ST7: variants seen among roughly 807,000 people sequenced by gnomAD.
ST7 encodes the protein suppression of tumorigenicity 7.
In ST7, 28 loss-of-function variants were observed where a neutral mutation model predicts 78.7. The observed-to-expected ratio is 0.36, with a 90% CI of 0.26 to 0.49. The LOEUF (loss-of-function observed/expected upper bound fraction) is 0.49, where lower values mean the gene tolerates loss of function less well. ST7 is among the 20% of genes least tolerant of loss of function. ST7 has a pLI of 0.99. For missense variants in ST7, 418 were observed against 696.0 expected, an observed-to-expected ratio of 0.60 and a Z score of 4.49; for synonymous variants, 247 against 249.6, an observed-to-expected ratio of 0.99 and a Z score of 0.10.
At chr7:117,048,799 T>C (rs901163097) in intron 1 of ST7, among the ~76,000 whole-genome samples, 1 of 152,234 alleles carries the variant, frequency 6.6e-6, no homozygotes, top group African/African-American at 2.4e-5. Flanking sequence ...TTCCACACTT[T>C]CATTATGTTC....
chr7:117,201,733 G>A (rs56085618), intron 12 of ST7, among the ~76,000 whole-genome samples: 5 of 151,990 alleles, frequency 3.3e-5, no homozygotes, highest in Non-Finnish European at 7.4e-5. Flanking sequence ...CTGGGCTGAA[G>A]AGATTTGCCT....
chr7:116,971,312 C>T (rs1793405687), intron 1 of ST7, among the ~76,000 whole-genome samples: 1 of 152,122 alleles, frequency 6.6e-6, no homozygotes. Context: ...CAGCTTCAAA[C>T]CCAGAAAAGG....
At chr7:117,218,970 G>C in intron 13 of ST7, 114 bp from the exon 14 acceptor site, 1 of 755,460 alleles carries the variant, frequency 1.3e-6, no homozygotes, top group Non-Finnish European at 2.2e-6. Context: ...GGTAAGCCTT[G>C]CCTCCTTTGT....
chr7:117,090,991 A>G (rs532284150), intron 1 of ST7, among the ~76,000 whole-genome samples: 3 of 152,310 alleles, frequency 2.0e-5, no homozygotes, highest in African/African-American at 7.2e-5. Flanking sequence ...CCAGACCACA[A>G]CTGAGGAAAG....
chr7:117,103,731 G>A (rs1801742631), intron 2 of ST7, among the ~76,000 whole-genome samples: 1 of 152,116 alleles, frequency 6.6e-6, no homozygotes, highest in Admixed American at 6.5e-5. Flanking sequence ...GGCAACCAGA[G>A]CAGAAATAGA....
chr7:116,958,965 A>G (rs1792679641), intron 1 of ST7, among the ~76,000 whole-genome samples: 1 of 152,204 alleles, frequency 6.6e-6, no homozygotes, highest in Non-Finnish European at 1.5e-5. Flanking sequence ...TTCAAATAAG[A>G]CAACCGTAAA....
intron 1 of ST7, among the ~76,000 whole-genome samples, chr7:116,988,605 T>C (rs1794287239): frequency 6.6e-6 from 1 of 152,240 alleles, no homozygotes; most frequent in South Asian, 2.1e-4. Context: ...AGCAGATTTT[T>C]TTCATTTCTC....
At chr7:117,064,054 A>G (rs867556182) in intron 1 of ST7, among the ~76,000 whole-genome samples, 10 of 152,334 alleles carry the variant, frequency 6.6e-5, no homozygotes, top group Middle Eastern at 3.4e-3. Context: ...ACAATATAGC[A>G]TTTATTTAAA....
At chr7:117,205,868 A>G (rs1163913504) in intron 12 of ST7, among the ~76,000 whole-genome samples, 1 of 152,266 alleles carries the variant, frequency 6.6e-6, no homozygotes, top group Non-Finnish European at 1.5e-5. Flanking sequence ...AAAATAGCAC[A>G]GAACCAAGCC....
intron 6 of ST7, among the ~76,000 whole-genome samples, chr7:117,133,863 T>C (rs1804568204): frequency 6.6e-6 from 1 of 151,916 alleles, no homozygotes; most frequent in South Asian, 2.1e-4. Flanking sequence ...CCGTGTTGGT[T>C]ACTTAAGTGC....
intron 1 of ST7, among the ~76,000 whole-genome samples, chr7:116,997,557 G>A (rs1794724210): frequency 6.6e-6 from 1 of 151,914 alleles, no homozygotes; most frequent in Non-Finnish European, 1.5e-5. Context: ...CAAACCTTGA[G>A]CTAGACACAG....
intron 1 of ST7, among the ~76,000 whole-genome samples, chr7:116,980,876 T>C (rs1432674796): frequency 6.6e-6 from 1 of 152,230 alleles, no homozygotes; most frequent in Non-Finnish European, 1.5e-5. Flanking sequence ...AGTGACACCA[T>C]CTAATTCTGT....
intron 9 of ST7, among the ~76,000 whole-genome samples, chr7:117,159,378 A>T (rs1806952169): frequency 1.3e-5 from 2 of 152,194 alleles, no homozygotes; most frequent in Admixed American, 1.3e-4. Context: ...TAGGTATTAG[A>T]GGACTCACAG....
intron 1 of ST7, among the ~76,000 whole-genome samples, chr7:116,975,532 C>T (rs941649234): frequency 9.2e-5 from 14 of 151,948 alleles, no homozygotes; most frequent in South Asian, 4.2e-4. Flanking sequence ...CTTAGTCTCC[C>T]GAGTAGCTGG....
At chr7:117,210,824 C>G (rs1792225105) in intron 13 of ST7, among the ~76,000 whole-genome samples, 1 of 152,212 alleles carries the variant, frequency 6.6e-6, no homozygotes, top group South Asian at 2.1e-4. Flanking sequence ...CATTGACATT[C>G]TGCTAGCATT....
chr7:117,016,466 C>G (rs1205491175), intron 1 of ST7, among the ~76,000 whole-genome samples: 3 of 151,014 alleles, frequency 2.0e-5, no homozygotes, highest in African/African-American at 7.3e-5. Context: ...CTTTCATTTT[C>G]TATAGTTTGT....
intron 1 of ST7, among the ~76,000 whole-genome samples, chr7:117,043,206 A>G (rs920962018): frequency 2.0e-5 from 3 of 152,182 alleles, no homozygotes; most frequent in East Asian, 3.8e-4. Context: ...GATTACAGCA[A>G]TTTGGGGGAG....
At chr7:117,097,895 T>C (rs1563078772) in intron 1 of ST7, among the ~76,000 whole-genome samples, 3 of 24,388 alleles carry the variant, frequency 1.2e-4, no homozygotes, top group Admixed American at 4.6e-4. Flanking sequence ...TATATATATA[T>C]ATATATATAT....
intron 1 of ST7, among the ~76,000 whole-genome samples, chr7:116,987,651 A>G (rs1562994970): frequency 2.0e-5 from 3 of 152,196 alleles, no homozygotes; most frequent in African/African-American, 2.4e-5. Context: ...AAAGAAACCT[A>G]TTATCAGGGG....
Sources: gnomAD v4.1 joint callset for allele counts (sites outside exome capture counted in the v4.1 genomes callset) on GRCh38, gnomAD v4.1.1 for gene constraint, MANE v1.5 for transcripts, NCBI Gene and HGNC (gene_info 2026-07-23, HGNC 2026-07-21) for gene names.